GMDS: variants seen among roughly 807,000 people sequenced by gnomAD.
The protein encoded by GMDS is GDP-mannose 4,6-dehydratase, also known as GDP-mannose 4,6 dehydratase.
A neutral mutation model predicts 49.9 loss-of-function variants in GMDS; 20 were observed. The ratio of observed to expected loss-of-function variants is 0.40; its 90% CI spans 0.28 to 0.58. GMDS has a LOEUF of 0.58. GMDS is among the 20% of genes least tolerant of loss of function. The pLI is 0.42. For missense variants in GMDS, 362 were observed against 481.4 expected, an observed-to-expected ratio of 0.75 and a Z score of 2.32; for synonymous variants, 177 against 178.6, an observed-to-expected ratio of 0.99 and a Z score of 0.07.
At chr6:1,957,476 AT>A (rs1010225514) in intron 6 of GMDS, among the ~76,000 whole-genome samples, 13 of 152,336 alleles carry the variant, frequency 8.5e-5, no homozygotes, top group African/African-American at 3.1e-4. Context: ...TATTAATATC[AT>A]TTTCACGTAC....
chr6:1,925,265 T>C (rs1761935858), intron 7 of GMDS, among the ~76,000 whole-genome samples: 1 of 152,238 alleles, frequency 6.6e-6, no homozygotes, highest in African/African-American at 2.4e-5. Flanking sequence ...AATATAGCTG[T>C]ATATATTTTT....
intron 4 of GMDS, among the ~76,000 whole-genome samples, chr6:2,108,994 C>T (rs1260165869): frequency 6.6e-6 from 1 of 152,140 alleles, no homozygotes; most frequent in Admixed American, 6.5e-5. Flanking sequence ...ATTTTGGTGG[C>T]AGGAAATACA....
chr6:2,112,730 G>A (rs557342593), intron 4 of GMDS, among the ~76,000 whole-genome samples: 5 of 152,090 alleles, frequency 3.3e-5, no homozygotes, highest in Admixed American at 1.3e-4. Flanking sequence ...TCTTTAAAAC[G>A]TCACAAATCC....
rs1767521387 is a variant in GMDS at position 1,746,917 on chromosome 6, G to A, written c.772-4331C>T. Among the ~76,000 whole-genome samples, 6 of 152,196 alleles carry A rather than the reference G, an allele frequency of 3.9e-5. No individual in the cohort carries two copies. The South Asian group carries it at 1.2e-3, about 32-fold the overall frequency. The stretch of plus-strand genomic sequence containing the variant: ...GGGTTTCACCATGTTGGTCAGGCTG[G>A]TCTTGAACTCCTGACCTTGTGATCT... On this transcript the variant is annotated intron_variant, in intron 7 of 10. Transcript: ENST00000380815.
intron 1 of GMDS, among the ~76,000 whole-genome samples, chr6:2,156,188 C>T (rs539958346): frequency 1.3e-5 from 2 of 151,954 alleles, no homozygotes; most frequent in South Asian, 2.1e-4. Context: ...TATTATAGAG[C>T]GTCTTGAAAA....
At chr6:2,222,539 G>A (rs1362349923) in intron 1 of GMDS, among the ~76,000 whole-genome samples, 2 of 152,172 alleles carry the variant, frequency 1.3e-5, no homozygotes, top group Admixed American at 6.5e-5. Flanking sequence ...TACTGATTCT[G>A]TTAGGCAATT....
chr6:2,152,532 A>G (rs928431800), intron 1 of GMDS, among the ~76,000 whole-genome samples: 8 of 152,118 alleles, frequency 5.3e-5, no homozygotes, highest in African/African-American at 1.9e-4. Context: ...AACACTTAAA[A>G]TGGAGTTAAC....
chr6:2,174,715 G>A (rs539738673), intron 1 of GMDS, among the ~76,000 whole-genome samples: 3 of 151,958 alleles, frequency 2.0e-5, no homozygotes, highest in South Asian at 2.1e-4. Flanking sequence ...CTGCAGGCAC[G>A]TGCCACCATG....
chr6:1,668,862 A>G (rs1000177288), intron 9 of GMDS, among the ~76,000 whole-genome samples: 3 of 152,262 alleles, frequency 2.0e-5, no homozygotes, highest in Admixed American at 2.0e-4. Flanking sequence ...TAGACAAAGC[A>G]ACACATCAGG....
intron 7 of GMDS, among the ~76,000 whole-genome samples, chr6:1,899,492 A>T (rs771800139): frequency 9.9e-5 from 15 of 152,026 alleles, no homozygotes; most frequent in Admixed American, 2.0e-4. Context: ...TAAGGAGTAG[A>T]CTCCGTTCAA....
chr6:2,190,620 T>C (rs139306031), intron 1 of GMDS, among the ~76,000 whole-genome samples: 232 of 152,312 alleles, frequency 1.5e-3, no homozygotes, highest in African/African-American at 5.4e-3. Flanking sequence ...AGCGGCCAAG[T>C]TACCTCACCC....
chr6:2,147,928 C>G (rs939038079), intron 1 of GMDS, among the ~76,000 whole-genome samples: 1 of 150,960 alleles, frequency 6.6e-6, no homozygotes, highest in African/African-American at 2.4e-5. Flanking sequence ...GACAAGTTGT[C>G]TTAACAAAAT....
chr6:1,650,842 A>G (rs1451178949), intron 9 of GMDS, among the ~76,000 whole-genome samples: 1 of 152,138 alleles, frequency 6.6e-6, no homozygotes, highest in Non-Finnish European at 1.5e-5. Flanking sequence ...GGCCTCCCAA[A>G]CTGTTGGGAT....
In GMDS at chr6:2,234,596, C is replaced by T. The variant is rs776768571; in HGVS notation, c.102+10725G>A. Reference sequence around the variant, plus strand: ...TGCACTCCAGCCTGGGCAATAAGAGCGAAACTCCGTATCAAAAAAAATAAA... The same window carrying T: ...TGCACTCCAGCCTGGGCAATAAGAGTGAAACTCCGTATCAAAAAAAATAAA... On this transcript the variant is annotated intron_variant, in intron 1 of 10. Coordinates refer to ENST00000380815, the MANE Select transcript of GMDS (RefSeq NM_001500.4). 1.2e-3 allele frequency among the ~76,000 whole-genome samples: 181 copies of T among 151,742 alleles called. 1 individual carries two copies. The highest frequency in any genetic ancestry group is 3.4e-3 in the Middle Eastern group (1 of 294).
At chr6:1,748,098 CTTTATCT>C in intron 7 of GMDS, among the ~76,000 whole-genome samples, 1 of 152,084 alleles carries the variant, frequency 6.6e-6, no homozygotes, top group Admixed American at 6.5e-5. Context: ...TTGTTTTGCC[CTTTATCT>C]TTTAACTCTA....
intron 6 of GMDS, among the ~76,000 whole-genome samples, chr6:1,938,680 G>C (rs1176126543): frequency 6.6e-6 from 1 of 151,842 alleles, no homozygotes; most frequent in Admixed American, 6.6e-5. Flanking sequence ...GGTGCTTCCT[G>C]CATCTGTGAC....
chr6:2,211,686 A>G (rs1164049224), intron 1 of GMDS, among the ~76,000 whole-genome samples: 2 of 152,212 alleles, frequency 1.3e-5, no homozygotes, highest in African/African-American at 4.8e-5. Context: ...AAGAACACGT[A>G]AGGCAGGAAA....
chr6:1,951,751 G>T, intron 6 of GMDS: 1 of 343,084 alleles, frequency 2.9e-6, no homozygotes, highest in Non-Finnish European at 4.1e-6. Flanking sequence ...TTGATAACAG[G>T]CAAGAGAAGT....
chr6:2,161,163 T>C (rs538678957), intron 1 of GMDS, among the ~76,000 whole-genome samples: 1 of 151,858 alleles, frequency 6.6e-6, no homozygotes, highest in Non-Finnish European at 1.5e-5. Context: ...GGGCACACCA[T>C]CACGCCCAGC....
Sources: gnomAD v4.1 joint callset for allele counts (sites outside exome capture counted in the v4.1 genomes callset) on GRCh38, gnomAD v4.1.1 for gene constraint, MANE v1.5 for transcripts, NCBI Gene and HGNC (gene_info 2026-07-23, HGNC 2026-07-21) for gene names.